TG: variants seen among roughly 807,000 people sequenced by gnomAD.
The protein encoded by TG is thyroid hormones.
TG carries 270 observed loss-of-function variants against 324.7 expected under a neutral mutation model. That is an observed-to-expected ratio of 0.83 (90% confidence interval 0.75 to 0.92). The LOEUF is 0.92. Among genes scored for constraint, TG ranks in the 40% least tolerant of loss-of-function variants. The pLI, the probability that TG is intolerant of heterozygous loss-of-function variation, is 0.00. For synonymous variants in TG, 1,401 were observed against 1,327.0 expected, an observed-to-expected ratio of 1.06 and a Z score of -1.21; for missense variants, 3,591 against 3,456.4, an observed-to-expected ratio of 1.04 and a Z score of -0.98.
rs1283592973 is a variant in TG, at chr8:132,967,779, C to G, written c.5687-15C>G. The G allele has an allele frequency of 1.9e-6, 3 of 1,613,372 alleles. No individual in the cohort carries two copies. Among genetic ancestry groups the G allele is most frequent in the Non-Finnish European group, 2.5e-6 (3 of 1,179,594 alleles). Reference sequence around the variant, plus strand: ...CCCCACAAAAACTAAAATCACACTACTCTCTTGCCTGTAGGTTGTGTGCAG... The same window carrying G: ...CCCCACAAAAACTAAAATCACACTAGTCTCTTGCCTGTAGGTTGTGTGCAG... On this transcript the variant is annotated splice_polypyrimidine_tract_variant and intron_variant, in intron 30 of 47. Transcript: ENST00000220616.
At chr8:133,076,383 GC>G (rs1392397056) in intron 41 of TG, among the ~76,000 whole-genome samples, 1 of 152,188 alleles carries the variant, frequency 6.6e-6, no homozygotes, top group African/African-American at 2.4e-5. Context: ...AACCCTCAGG[GC>G]TGCTTCTAAA....
chr8:132,899,524 C>T (rs1160160064), intron 14 of TG, among the ~76,000 whole-genome samples: 1 of 152,220 alleles, frequency 6.6e-6, no homozygotes, highest in Non-Finnish European at 1.5e-5. Context: ...GCAGATGAAA[C>T]AGCAGTGTTG....
At chr8:133,069,865 G>T (rs1223178743) in intron 41 of TG, among the ~76,000 whole-genome samples, 4 of 151,896 alleles carry the variant, frequency 2.6e-5, no homozygotes, top group Non-Finnish European at 5.9e-5. Context: ...AGCTGGGCGT[G>T]GTGGCAGGTG....
At chr8:133,011,867 A>G (rs181206711) in intron 35 of TG, 34 bp from the exon 36 acceptor site, 23 of 1,614,040 alleles carry the variant, frequency 1.4e-5, no homozygotes, top group Middle Eastern at 3.3e-4. Flanking sequence ...CCAGGTGACA[A>G]CTGCATGTGA....
intron 20 of TG, among the ~76,000 whole-genome samples, chr8:132,915,727 T>A (rs1452623638): frequency 6.6e-6 from 1 of 152,192 alleles, no homozygotes; most frequent in Non-Finnish European, 1.5e-5. Flanking sequence ...CTAATAAAAC[T>A]TTATTTACCA....
chr8:132,907,869 A>G (rs1818914650), intron 17 of TG, among the ~76,000 whole-genome samples: 1 of 152,144 alleles, frequency 6.6e-6, no homozygotes, highest in Admixed American at 6.5e-5. Flanking sequence ...TTAACCTGAA[A>G]AACCATACAG....
At chr8:133,024,545 G>T (rs1238321888) in intron 40 of TG, among the ~76,000 whole-genome samples, 1 of 151,642 alleles carries the variant, frequency 6.6e-6, no homozygotes, top group African/African-American at 2.4e-5. Flanking sequence ...TTGTCCTAAT[G>T]CTCTCCCTCC....
In TG at chr8:132,984,467, G is replaced by C. The variant is rs189057450; in HGVS notation, c.6262+1055G>C. On this transcript the variant is annotated intron_variant, in intron 35 of 47. Coordinates refer to ENST00000220616, the MANE Select transcript of TG (RefSeq NM_003235.5). ...ACGTTAGCTTCCTGAGATACTGTAA[G>C]GTTGGCATCGTTATTGCCATGTCAG... 5.9e-5 allele frequency among the ~76,000 whole-genome samples: 9 copies of C among 152,280 alleles called. No individual in the cohort carries two copies. In the East Asian group the frequency reaches 1.7e-3, roughly 29 times the overall value.
At chr8:132,932,527 TTAA>T (rs1289416371) in intron 23 of TG, among the ~76,000 whole-genome samples, 9 of 152,220 alleles carry the variant, frequency 5.9e-5, no homozygotes, top group Admixed American at 2.6e-4. Flanking sequence ...AAAATCAGTA[TTAA>T]TAATATATGT....
At chr8:133,014,955 G>A (rs994115476) in intron 37 of TG, among the ~76,000 whole-genome samples, 3 of 152,062 alleles carry the variant, frequency 2.0e-5, no homozygotes, top group East Asian at 1.9e-4. Flanking sequence ...GCACAATCTC[G>A]GGTCACTGCA....
chr8:132,987,812 T>C (rs937571776), intron 35 of TG, among the ~76,000 whole-genome samples: 1 of 152,096 alleles, frequency 6.6e-6, no homozygotes, highest in African/African-American at 2.4e-5. Flanking sequence ...AACCATTCTC[T>C]CTGGAAAGAC....
chr8:132,907,058 G>A (rs1369542234), intron 17 of TG, among the ~76,000 whole-genome samples, 158 bp downstream of exon 17: 3 of 152,212 alleles, frequency 2.0e-5, no homozygotes, highest in Non-Finnish European at 4.4e-5. Context: ...GTCCCATGGA[G>A]CATTTTCTAG....
intron 40 of TG, among the ~76,000 whole-genome samples, chr8:133,023,642 G>A (rs1316936464): frequency 6.6e-6 from 1 of 152,170 alleles, no homozygotes; most frequent in Non-Finnish European, 1.5e-5. Flanking sequence ...TGTGCCATTG[G>A]TAGCCCCTTC....
intron 45 of TG, among the ~76,000 whole-genome samples, chr8:133,124,491 G>C (rs1305731963): frequency 6.6e-6 from 1 of 152,118 alleles, no homozygotes; most frequent in African/African-American, 2.4e-5. Flanking sequence ...AAATCAACTA[G>C]AGTTTTAATC....
At chr8:132,992,847 GC>G (rs754774321) in intron 35 of TG, among the ~76,000 whole-genome samples, 37 of 152,162 alleles carry the variant, frequency 2.4e-4, no homozygotes, top group Non-Finnish European at 4.6e-4. Context: ...CTGCTGTACT[GC>G]CTCTGGGAAC....
chr8:133,092,707 A>G lies in TG; in HGVS notation c.7240-2337A>G, dbSNP rs77433230. ...GGTTCAAACCGAGCCCTTCTGCCCC[A>G]ATCCCATGCTCTCTACACACCTCTG... On this transcript the variant is annotated intron_variant, in intron 41 of 47. Transcript: ENST00000220616. 1.8e-3 allele frequency among the ~76,000 whole-genome samples: 276 copies of G among 151,980 alleles called. 1 individual carries two copies. The highest frequency in any genetic ancestry group is 6.1e-3 in the African/African-American group (251 of 41,432).
intron 41 of TG, among the ~76,000 whole-genome samples, chr8:133,094,304 G>A (rs571488900): frequency 5.4e-5 from 8 of 147,386 alleles, no homozygotes; most frequent in African/African-American, 1.3e-4. Context: ...GCAGAGGTGC[G>A]ATCTCGGTCC....
chr8:132,990,358 A>G (rs966354006), intron 35 of TG, among the ~76,000 whole-genome samples: 2 of 152,092 alleles, frequency 1.3e-5, no homozygotes, highest in Non-Finnish European at 2.9e-5. Context: ...ATACATGTAT[A>G]CAATGTGTAA....
intron 21 of TG, among the ~76,000 whole-genome samples, chr8:132,922,720 T>A (rs925848132): frequency 1.3e-5 from 2 of 152,174 alleles, no homozygotes; most frequent in African/African-American, 4.8e-5. Context: ...CTGATAAAGG[T>A]ATCACAGATG....
Sources: gnomAD v4.1 joint callset for allele counts (sites outside exome capture counted in the v4.1 genomes callset) on GRCh38, gnomAD v4.1.1 for gene constraint, MANE v1.5 for transcripts, NCBI Gene and HGNC (gene_info 2026-07-23, HGNC 2026-07-21) for gene names.